The following SGSM1 variants were observed in gnomAD, a reference collection of about 807,000 sequenced individuals.
SGSM1 encodes the protein RUN and TBC1 domain containing 2.
SGSM1 carries 73 observed loss-of-function variants against 133.8 expected under a neutral mutation model. The observed-to-expected ratio is 0.55, with a 90% CI of 0.45 to 0.66. The LOEUF is 0.66. Ranked by LOEUF, SGSM1 falls within the 30% of genes least tolerant of loss-of-function variation. The probability of loss-of-function intolerance (pLI) is 0.00; values close to 1 mark genes in which losing one functional copy is unlikely to be tolerated. For missense variants in SGSM1, 1,213 were observed against 1,448.1 expected (o/e 0.84, Z 2.64); for synonymous variants, 563 against 573.0 (o/e 0.98, Z 0.25).
Position 24,895,273 on chromosome 22 carries a change from C to T in SGSM1, c.2004C>T (p.Asp668=). 1 of 1,612,088 alleles carries T rather than the reference C, an allele frequency of 6.2e-7. No individual in the cohort carries two copies. Among genetic ancestry groups the T allele is most frequent in the East Asian group, 2.2e-5 (1 of 44,820 alleles). ...GCCAGAACATCCGCCTGCACAGCGA[C>T]TCCAGCAGCAGCACACAGGTGACCT... ...SGRQNIRLHS[D]SSSSTQVFES... Residue 668 remains aspartate (D), a synonymous_variant, in exon 18 of 25, where the codon GAC becomes GAT. Transcript: ENST00000400358.
intron 3 of SGSM1, among the ~76,000 whole-genome samples, chr22:24,847,321 C>T (rs1050553441): frequency 6.6e-6 from 1 of 152,208 alleles, no homozygotes; most frequent in African/African-American, 2.4e-5. Flanking sequence ...GCTATGCCCC[C>T]TGAGAGCACT....
chr22:24,867,367 G>A (rs1257549747), intron 10 of SGSM1, among the ~76,000 whole-genome samples: 1 of 152,194 alleles, frequency 6.6e-6, no homozygotes, highest in Non-Finnish European at 1.5e-5. Context: ...CTCTCATGGG[G>A]TAGTTGTGAA....
At chr22:24,823,087 T>C (rs1928577285) in intron 2 of SGSM1, among the ~76,000 whole-genome samples, 1 of 152,192 alleles carries the variant, frequency 6.6e-6, no homozygotes, top group Non-Finnish European at 1.5e-5. Context: ...CTAAGCCTTG[T>C]GCTCTCGGGC....
At chr22:24,901,980 T>C in intron 20 of SGSM1, 23 bp downstream of exon 20, 1 of 1,394,118 alleles carries the variant, frequency 7.2e-7, no homozygotes, top group Non-Finnish European at 9.6e-7. Context: ...AGCGAGGGGA[T>C]CTAGGGGATG....
In SGSM1 at chr22:24,850,554, G is replaced by A. The variant is rs1444718064; in HGVS notation, c.455+122G>A. ...CCCTTGACAGCCACTAAATTTGAAA[G>A]TGATTAAATGCTTGGAAACTTGGGT... On this transcript the variant is annotated intron_variant, in intron 5 of 24. Coordinates refer to ENST00000400358, the MANE Select transcript of SGSM1 (RefSeq NM_001098497.3). 3 of 1,354,948 alleles carry A rather than the reference G, an allele frequency of 2.2e-6. No individual in the cohort carries two copies. The Admixed American group carries it at 7.8e-5, about 35-fold the overall frequency. 83.9% of individuals were successfully genotyped at this position (1,354,948 alleles called of 1,614,324 possible).
intron 3 of SGSM1, among the ~76,000 whole-genome samples, chr22:24,845,981 C>T (rs575443741): frequency 7.0e-6 from 1 of 143,562 alleles, no homozygotes; most frequent in Admixed American, 7.0e-5. Context: ...TTCTTTCTTT[C>T]TTTCTTTCTT....
At chr22:24,907,325 A>G (rs969421526) in intron 21 of SGSM1, among the ~76,000 whole-genome samples, 1 of 152,048 alleles carries the variant, frequency 6.6e-6, no homozygotes, top group East Asian at 1.9e-4. Context: ...AATACTTATG[A>G]GTAAACTTAA....
intron 12 of SGSM1, chr22:24,874,355 C>T: frequency 1.3e-6 from 2 of 1,520,316 alleles, no homozygotes; most frequent in Non-Finnish European, 8.8e-7. Context: ...CCAGCTGTCT[C>T]AGTGTCCTGC....
chr22:24,902,971 G>A lies in SGSM1; in HGVS notation c.2735+1014G>A, dbSNP rs1933218225. ...GCAGCAGGATGGCTTGAACCTGGGA[G>A]GTTGAGGCAACAATGAACTGTGATC... is the stretch of plus-strand genomic sequence containing the variant. On this transcript the variant is annotated intron_variant, in intron 20 of 24. Transcript: ENST00000400358. Among the ~76,000 whole-genome samples, 5 of 152,064 alleles carry A rather than the reference G, an allele frequency of 3.3e-5. No homozygotes were observed. The South Asian group carries it at 8.3e-4, about 25-fold the overall frequency.
intron 22 of SGSM1, among the ~76,000 whole-genome samples, chr22:24,915,133 A>G (rs1354259426): frequency 2.0e-5 from 3 of 152,148 alleles, no homozygotes; most frequent in African/African-American, 4.8e-5. Context: ...GGAGGCTGAG[A>G]TAGGAGAATG....
At chr22:24,871,503 C>A (rs1403451795) in intron 12 of SGSM1, among the ~76,000 whole-genome samples, 1 of 152,180 alleles carries the variant, frequency 6.6e-6, no homozygotes, top group Non-Finnish European at 1.5e-5. Flanking sequence ...AGGCCCACTT[C>A]TGTCTGCTGT....
At chr22:24,869,753 G>A (rs1485906868) in intron 12 of SGSM1, among the ~76,000 whole-genome samples, 2 of 152,156 alleles carry the variant, frequency 1.3e-5, no homozygotes, top group Admixed American at 1.3e-4. Context: ...ACCAGGCACT[G>A]GCACATGAGA....
chr22:24,860,623 C>G (rs1931068041), intron 9 of SGSM1, among the ~76,000 whole-genome samples: 1 of 151,960 alleles, frequency 6.6e-6, no homozygotes, highest in Admixed American at 6.6e-5. Context: ...TTATTCTGGG[C>G]CGGGTGTGGT....
chr22:24,915,057 T>C (rs1404748962), intron 22 of SGSM1, among the ~76,000 whole-genome samples: 1 of 152,016 alleles, frequency 6.6e-6, no homozygotes, highest in African/African-American at 2.4e-5. Context: ...TGAAACCCCG[T>C]CTCTACTAAA....
In SGSM1 at chr22:24,860,918, AAAAAATATATAT is replaced by A. The variant is rs1435625457; in HGVS notation, c.926+1080_926+1091del. On this transcript the variant is annotated intron_variant, in intron 9 of 24. Coordinates refer to ENST00000400358, the MANE Select transcript of SGSM1 (RefSeq NM_001098497.3). ...GTCTTAAAAAAAAAAAAAAAAAAAAAAAAAATATATATATATATATATATATATATAATTTTG... is the reference window on the plus strand; with the variant it reads ...GTCTTAAAAAAAAAAAAAAAAAAAAAATATATATATATATATATAATTTTG... Among the ~76,000 whole-genome samples the A allele has an allele frequency of 1.6e-3, 118 of 76,054 alleles. 1 individual carries two copies. The highest frequency in any genetic ancestry group is 5.4e-3 in the South Asian group (10 of 1,860). 49.9% of individuals were successfully genotyped at this position (76,054 alleles called of 152,430 possible).
intron 4 of SGSM1, among the ~76,000 whole-genome samples, chr22:24,849,949 G>C (rs1299757347): frequency 6.6e-6 from 1 of 152,194 alleles, no homozygotes. Context: ...TGAAGAGCTT[G>C]CTTCCCAAGG....
At chr22:24,896,611 T>A (rs553873450) in intron 18 of SGSM1, among the ~76,000 whole-genome samples, 2 of 149,444 alleles carry the variant, frequency 1.3e-5, no homozygotes, top group South Asian at 2.1e-4. Context: ...AGGGTTTTTT[T>A]ATTTTTTGTT....
intron 24 of SGSM1, among the ~76,000 whole-genome samples, chr22:24,923,664 C>T (rs1438287697): frequency 6.6e-6 from 1 of 151,918 alleles, no homozygotes. Context: ...CTCTTGTTGC[C>T]CAGGCTGGAG....
At chr22:24,811,426 A>G (rs1927734644) in intron 2 of SGSM1, among the ~76,000 whole-genome samples, 1 of 149,806 alleles carries the variant, frequency 6.7e-6, no homozygotes. Flanking sequence ...TGGAGTCTAA[A>G]GCCGGGGTGG....
Sources: gnomAD v4.1 joint callset for allele counts (sites outside exome capture counted in the v4.1 genomes callset) on GRCh38, gnomAD v4.1.1 for gene constraint, MANE v1.5 for transcripts, NCBI Gene and HGNC (gene_info 2026-07-23, HGNC 2026-07-21) for gene names.